The following CNTN4 variants were observed in gnomAD, a reference collection of about 807,000 sequenced individuals.
CNTN4 encodes the protein contactin-4.
A neutral mutation model predicts 122.5 loss-of-function variants in CNTN4; 77 were observed. The ratio of observed to expected loss-of-function variants is 0.63; its 90% CI spans 0.52 to 0.76. CNTN4 has a LOEUF of 0.76. Ranked by LOEUF, CNTN4 falls within the 30% of genes least tolerant of loss-of-function variation. The probability of loss-of-function intolerance (pLI) is 0.00; values close to 1 mark genes in which losing one functional copy is unlikely to be tolerated. For missense variants in CNTN4, 1,256 were observed against 1,259.1 expected (o/e 1.00, Z 0.04); for synonymous variants, 512 against 447.0 (o/e 1.15, Z -1.83).
chr3:2,105,374 T>C (rs1419872385), intron 2 of CNTN4, among the ~76,000 whole-genome samples: 1 of 152,188 alleles, frequency 6.6e-6, no homozygotes, highest in East Asian at 1.9e-4. Context: ...ATTAGTCTAT[T>C]CTCACACTGC....
intron 4 of CNTN4, among the ~76,000 whole-genome samples, chr3:2,654,886 C>A (rs2083516204): frequency 6.6e-6 from 1 of 152,060 alleles, no homozygotes; most frequent in Non-Finnish European, 1.5e-5. Flanking sequence ...AGCTAGTATG[C>A]CCCAGATAAC....
rs186706433 is a variant in CNTN4, at chr3:2,674,829, C to T, written c.56-61386C>T. On this transcript the variant is annotated intron_variant, in intron 4 of 24. Transcript: ENST00000418658. The stretch of plus-strand genomic sequence containing the variant: ...GTGCTATAGAGCACTAGAGCTTATT[C>T]GTCTTATGTAGCTGTGAATTTGGAT... Among the ~76,000 whole-genome samples the T allele has an allele frequency of 2.1e-3, 321 of 151,956 alleles. 4 individuals are homozygous for T. The highest frequency in any genetic ancestry group is 7.6e-3 in the African/African-American group (315 of 41,488).
At chr3:2,154,403 A>C (rs546261287) in intron 2 of CNTN4, among the ~76,000 whole-genome samples, 4 of 151,536 alleles carry the variant, frequency 2.6e-5, no homozygotes, top group Admixed American at 2.0e-4. Context: ...ATAAAAGTGG[A>C]TATGGTAATT....
intron 3 of CNTN4, among the ~76,000 whole-genome samples, chr3:2,369,365 C>T (rs754508023): frequency 6.6e-6 from 1 of 152,188 alleles, no homozygotes; most frequent in Non-Finnish European, 1.5e-5. Flanking sequence ...ATATTACTAT[C>T]GTTGGTCTTG....
intron 2 of CNTN4, among the ~76,000 whole-genome samples, chr3:2,243,802 A>G (rs2040034249): frequency 1.3e-5 from 2 of 152,010 alleles, no homozygotes; most frequent in Admixed American, 1.3e-4. Flanking sequence ...CATTGTTCAG[A>G]CTCGCATTTG....
intron 3 of CNTN4, among the ~76,000 whole-genome samples, chr3:2,379,300 C>A (rs2045934297): frequency 6.6e-6 from 1 of 151,202 alleles, no homozygotes; most frequent in Non-Finnish European, 1.5e-5. Flanking sequence ...CTTTACCCTG[C>A]AGATGGTTAC....
intron 3 of CNTN4, among the ~76,000 whole-genome samples, chr3:2,389,899 A>G (rs2150870359): frequency 6.6e-6 from 1 of 152,310 alleles, no homozygotes; most frequent in South Asian, 2.1e-4. Context: ...ATTGTCCTGT[A>G]ATATTGAAAA....
At chr3:2,845,980 A>G (rs1453685009) in intron 7 of CNTN4, among the ~76,000 whole-genome samples, 1 of 152,232 alleles carries the variant, frequency 6.6e-6, no homozygotes, top group African/African-American at 2.4e-5. Context: ...GTGATCATAG[A>G]GATGCCATTT....
At chr3:2,463,275 A>G (rs1011721203) in intron 3 of CNTN4, among the ~76,000 whole-genome samples, 4 of 152,202 alleles carry the variant, frequency 2.6e-5, no homozygotes, top group Non-Finnish European at 4.4e-5. Context: ...CTTTTGAAAT[A>G]AGAACACATC....
intron 6 of CNTN4, among the ~76,000 whole-genome samples, chr3:2,759,277 T>G (rs1441954518): frequency 6.6e-6 from 1 of 152,168 alleles, no homozygotes; most frequent in Non-Finnish European, 1.5e-5. Context: ...TGCCTCAGCC[T>G]CCTGAGTAGC....
chr3:2,886,831 G>C (rs2093984754), intron 9 of CNTN4, among the ~76,000 whole-genome samples: 2 of 152,108 alleles, frequency 1.3e-5, no homozygotes. Flanking sequence ...CTTATTGAAA[G>C]TTAAGAAAAG....
At chr3:2,226,391 G>C (rs2039284963) in intron 2 of CNTN4, among the ~76,000 whole-genome samples, 1 of 152,056 alleles carries the variant, frequency 6.6e-6, no homozygotes, top group Non-Finnish European at 1.5e-5. Context: ...GGGGATTTTT[G>C]GAAGAGGAAA....
intron 3 of CNTN4, among the ~76,000 whole-genome samples, chr3:2,429,083 G>T (rs1008779190): frequency 6.6e-6 from 1 of 152,142 alleles, no homozygotes; most frequent in South Asian, 2.1e-4. Context: ...CTCTCAACTT[G>T]TCAAAGTAAT....
intron 2 of CNTN4, among the ~76,000 whole-genome samples, chr3:2,195,531 G>A (rs62247004): frequency 0.21 from 32,232 of 152,142 alleles, 3,881 homozygotes; most frequent in East Asian, 0.47. Context: ...GGAAATAACT[G>A]CTATTCTGAT....
rs370593623 is a variant in CNTN4 at position 2,803,708 on chromosome 3, T to C, written c.359-15778T>C. On this transcript the variant is annotated intron_variant, in intron 6 of 24. Coordinates refer to ENST00000418658, the MANE Select transcript of CNTN4 (RefSeq NM_175607.3). ...TAGAGAAGCTGGGATTACTGGTGCC[T>C]GCCACCACGCCTGGCTAATTTTTTG... Among the ~76,000 whole-genome samples the C allele has an allele frequency of 1.5e-4, 23 of 152,114 alleles. 2 individuals carry two copies. The highest frequency in any genetic ancestry group is 8.3e-4 in the South Asian group (4 of 4,806).
At chr3:2,583,363 T>C (rs1255386571) in intron 4 of CNTN4, among the ~76,000 whole-genome samples, 11 of 152,228 alleles carry the variant, frequency 7.2e-5, no homozygotes, top group African/African-American at 2.7e-4. Context: ...AAAGATTAAT[T>C]CATTTGCCCA....
chr3:2,458,579 G>A (rs1207186391), intron 3 of CNTN4, among the ~76,000 whole-genome samples: 3 of 152,040 alleles, frequency 2.0e-5, no homozygotes, highest in Non-Finnish European at 4.4e-5. Flanking sequence ...GACAATACTT[G>A]TTAAAACTAT....
intron 3 of CNTN4, among the ~76,000 whole-genome samples, chr3:2,429,570 C>G (rs1355322024): frequency 6.6e-6 from 1 of 152,226 alleles, no homozygotes; most frequent in African/African-American, 2.4e-5. Flanking sequence ...TCTCAGATCT[C>G]AAACTCCGTG....
chr3:2,387,711 T>G (rs1009896352), intron 3 of CNTN4, among the ~76,000 whole-genome samples: 2 of 152,106 alleles, frequency 1.3e-5, no homozygotes, highest in African/African-American at 4.8e-5. Context: ...TCAAAGCAGG[T>G]TTTCTTGTTT....
Sources: gnomAD v4.1 joint callset for allele counts (sites outside exome capture counted in the v4.1 genomes callset) on GRCh38, gnomAD v4.1.1 for gene constraint, MANE v1.5 for transcripts, NCBI Gene and HGNC (gene_info 2026-07-23, HGNC 2026-07-21) for gene names.